CADM2: variants seen among roughly 807,000 people sequenced by gnomAD.
CADM2 encodes immunoglobulin superfamily member 4D.
Under a neutral mutation model 49.8 loss-of-function variants are expected in CADM2, and 12 were observed. That is an observed-to-expected ratio of 0.24 (90% CI 0.15 to 0.39). CADM2 has a LOEUF of 0.39. Ranked by LOEUF, CADM2 falls within the 10% of genes least tolerant of loss-of-function variation. CADM2 has a pLI of 1.00. For synonymous variants in CADM2, 214 were observed against 175.4 expected, an observed-to-expected ratio of 1.22 and a Z score of -1.74; for missense variants, 378 against 492.3, an observed-to-expected ratio of 0.77 and a Z score of 2.20.
chr3:85,907,499 C>A (rs1467882269), intron 5 of CADM2, among the ~76,000 whole-genome samples: 1 of 152,092 alleles, frequency 6.6e-6, no homozygotes, highest in African/African-American at 2.4e-5. Flanking sequence ...CTAAATCCTG[C>A]CTTGTTCCCA....
intron 8 of CADM2, among the ~76,000 whole-genome samples, chr3:86,024,342 G>T (rs1019361804): frequency 1.3e-5 from 2 of 152,010 alleles, no homozygotes; most frequent in African/African-American, 2.4e-5. Context: ...TTTTTTACTT[G>T]TTCTCACTTA....
chr3:85,698,295 A>G (rs969306459), intron 1 of CADM2, among the ~76,000 whole-genome samples: 10 of 152,224 alleles, frequency 6.6e-5, no homozygotes, highest in African/African-American at 1.9e-4. Flanking sequence ...GCGAGATAAC[A>G]TCAAGTAGTC....
rs1739813375 is a variant in CADM2 at position 86,070,915 on chromosome 3, G to A, written c.*4132G>A. On this transcript the variant is annotated 3_prime_UTR_variant, in exon 10 of 10. Coordinates refer to ENST00000383699, the MANE Select transcript of CADM2 (RefSeq NM_001167675.2). ...CACTGGCAATATTGAAATATACTCAGTGCAATATCTGCAGTTCTATTGCTG... is the reference window on the plus strand; with the variant it reads ...CACTGGCAATATTGAAATATACTCAATGCAATATCTGCAGTTCTATTGCTG... The A allele has an allele frequency of 6.6e-6, 1 of 151,862 alleles. No homozygotes were observed. The highest frequency in any genetic ancestry group is 2.4e-5 in the African/African-American group (1 of 41,412). 9.4% of individuals were successfully genotyped at this position (151,862 alleles called of 1,614,324 possible).
At chr3:85,829,408 C>G (rs2074079009) in intron 3 of CADM2, among the ~76,000 whole-genome samples, 1 of 151,860 alleles carries the variant, frequency 6.6e-6, no homozygotes, top group Non-Finnish European at 1.5e-5. Context: ...CCTATCACCT[C>G]AAACATTTAT....
At position 85,628,514 on chromosome 3, in the gene CADM2, T is replaced by TAC. The variant is rs762349249; in HGVS notation, c.62-98007_62-98006insCA. On this transcript the variant is annotated intron_variant, in intron 1 of 9. Coordinates refer to ENST00000383699, the MANE Select transcript of CADM2 (RefSeq NM_001167675.2). ...TTTCTCACCCCCTCTCCCATATACA[T>TAC]ATATATATATACACACATATATATA... Among the ~76,000 whole-genome samples, 98 of 134,908 alleles carry TAC rather than the reference T, an allele frequency of 7.3e-4. 1 individual carries two copies. The highest frequency in any genetic ancestry group is 4.1e-3 in the Middle Eastern group (1 of 246). 88.5% of individuals were successfully genotyped at this position (134,908 alleles called of 152,430 possible). A position where few individuals can be genotyped will look rare whatever the true frequency, so the allele number is the denominator to read the frequency against.
intron 1 of CADM2, among the ~76,000 whole-genome samples, chr3:85,118,464 A>T (rs960904995): frequency 6.6e-5 from 10 of 152,222 alleles, no homozygotes; most frequent in Non-Finnish European, 8.8e-5. Context: ...AGAAAGCAAA[A>T]GGCACGACGA....
At chr3:85,044,652 A>G (rs1282967307) in intron 1 of CADM2, among the ~76,000 whole-genome samples, 2 of 152,150 alleles carry the variant, frequency 1.3e-5, no homozygotes, top group Non-Finnish European at 2.9e-5. Flanking sequence ...TTAGGAATGA[A>G]TTACCAACCA....
intron 1 of CADM2, among the ~76,000 whole-genome samples, chr3:85,022,926 A>G (rs2034568519): frequency 6.6e-6 from 1 of 152,094 alleles, no homozygotes; most frequent in Non-Finnish European, 1.5e-5. Flanking sequence ...GTAACTATAT[A>G]ATATGAATCC....
At chr3:85,695,039 C>T (rs1025044585) in intron 1 of CADM2, among the ~76,000 whole-genome samples, 3 of 152,178 alleles carry the variant, frequency 2.0e-5, no homozygotes, top group African/African-American at 7.2e-5. Context: ...AATGTAACCT[C>T]CTCTAATGTC....
At chr3:85,987,721 ATATAAT>A (rs59312380) in intron 8 of CADM2, among the ~76,000 whole-genome samples, 5,492 of 147,354 alleles carry the variant, frequency 0.037, 216 homozygotes, top group East Asian at 0.11. Context: ...AAATAATTAA[ATATAAT>A]TATTATAATT....
At chr3:84,992,434 T>C (rs1248181031) in intron 1 of CADM2, among the ~76,000 whole-genome samples, 1 of 151,880 alleles carries the variant, frequency 6.6e-6, no homozygotes, top group East Asian at 1.9e-4. Context: ...ATCGTGACCA[T>C]CCTGGCCAAT....
chr3:85,478,563 A>G (rs1009194228), intron 1 of CADM2, among the ~76,000 whole-genome samples: 4 of 151,690 alleles, frequency 2.6e-5, no homozygotes, highest in African/African-American at 9.7e-5. Flanking sequence ...AGAAAATAAA[A>G]TAAAAAATGG....
chr3:85,342,009 A>G (rs1364270662), intron 1 of CADM2, among the ~76,000 whole-genome samples: 1 of 152,316 alleles, frequency 6.6e-6, no homozygotes, highest in Admixed American at 6.5e-5. Flanking sequence ...AAAATTGACA[A>G]ATTGGATCTA....
intron 1 of CADM2, among the ~76,000 whole-genome samples, chr3:85,291,365 C>T (rs534933063): frequency 1.3e-5 from 2 of 151,360 alleles, no homozygotes; most frequent in African/African-American, 4.9e-5. Flanking sequence ...AAACACTCTG[C>T]AGGATATTAT....
At chr3:85,231,963 G>A (rs942325000) in intron 1 of CADM2, among the ~76,000 whole-genome samples, 12 of 151,358 alleles carry the variant, frequency 7.9e-5, no homozygotes, top group African/African-American at 2.9e-4. Flanking sequence ...GATCCACCCA[G>A]CTCAGCGTCC....
chr3:85,332,650 A>C (rs1374196551), intron 1 of CADM2, among the ~76,000 whole-genome samples: 2 of 152,022 alleles, frequency 1.3e-5, no homozygotes, highest in Non-Finnish European at 2.9e-5. Context: ...ATCCACTTCC[A>C]AAATATCTAA....
At chr3:85,106,634 A>G (rs746126889) in intron 1 of CADM2, among the ~76,000 whole-genome samples, 4 of 152,192 alleles carry the variant, frequency 2.6e-5, no homozygotes, top group Non-Finnish European at 5.9e-5. Flanking sequence ...CCATCTAAAC[A>G]GGAACTAATA....
intron 1 of CADM2, among the ~76,000 whole-genome samples, chr3:85,526,731 T>C (rs187656176): frequency 6.6e-6 from 1 of 152,186 alleles, no homozygotes; most frequent in Admixed American, 6.5e-5. Flanking sequence ...TAAAATGGGT[T>C]AGATTTCATA....
At chr3:85,981,386 C>T (rs143631995) in intron 8 of CADM2, among the ~76,000 whole-genome samples, 13 of 151,288 alleles carry the variant, frequency 8.6e-5, no homozygotes, top group Non-Finnish European at 1.5e-4. Context: ...TTCAGGAGTA[C>T]ATGTAGAAAT....
Sources: gnomAD v4.1 joint callset for allele counts (sites outside exome capture counted in the v4.1 genomes callset) on GRCh38, gnomAD v4.1.1 for gene constraint, MANE v1.5 for transcripts, NCBI Gene and HGNC (gene_info 2026-07-23, HGNC 2026-07-21) for gene names.